Variants in FPR3 observed in about 807,000 individuals in gnomAD.
The protein encoded by FPR3 is N-formyl peptide receptor 3.
For missense variants in FPR3, 346 were observed against 443.2 expected (o/e 0.78, Z 1.97); for synonymous variants, 135 against 163.6 (o/e 0.83, Z 1.34).
intron 1 of FPR3, among the ~76,000 whole-genome samples, chr19:51,822,879 G>A (rs1243914119): frequency 6.6e-6 from 1 of 151,834 alleles, no homozygotes; most frequent in Admixed American, 6.6e-5. Context: ...TTTTTTGTGG[G>A]GGGAAATGGA....
chr19:51,824,099 C>T lies in FPR3; in HGVS notation c.351C>T (p.Thr117=). ...INLFVSVYLI[T]IIALDRCICV... is the part of the protein sequence containing the mutation. ...TGTTTGTCAGTGTCTACCTGATCAC[C>T]ATCATTGCTCTGGACCGCTGTATTT... Residue 117 remains threonine (T), a synonymous_variant, in exon 2 of 2, where the codon ACC becomes ACT. Coordinates refer to ENST00000339223, the MANE Select transcript of FPR3 (RefSeq NM_002030.5). This position sits in a 1 kb window ranked among gnomAD's most constrained non-coding sequence, Gnocchi z 4.7. 1.2e-6 allele frequency: 2 copies of T among 1,614,024 alleles called. No homozygotes were observed. Among genetic ancestry groups the T allele is most frequent in the South Asian group, 2.2e-5 (2 of 91,062 alleles).
chr19:51,798,733 A>G (rs1418301714), intron 1 of FPR3, among the ~76,000 whole-genome samples: 1 of 152,182 alleles, frequency 6.6e-6, no homozygotes, highest in African/African-American at 2.4e-5. Flanking sequence ...GCTGCCTCAC[A>G]GTGTTATTAT....
At position 51,807,218 on chromosome 19, in the gene FPR3, G is replaced by T. The variant is rs186830310; in HGVS notation, c.-11+11887G>T. Among the ~76,000 whole-genome samples, 10 of 64,578 alleles carry T rather than the reference G, an allele frequency of 1.5e-4. No individual in the cohort carries two copies. The East Asian group carries it at 1.7e-3, about 11-fold the overall frequency. The allele number at this position is 64,578 out of a possible 152,430, so 42.4% of individuals were successfully genotyped here. A position where few individuals can be genotyped will look rare whatever the true frequency, so the allele number is the denominator to read the frequency against. Reference sequence around the variant, plus strand: ...CAGGCAAAAGAGATAGCAGGAAGTGGGGGGGGTGGTTGCTGGCTAGCAGCC... The same window carrying T: ...CAGGCAAAAGAGATAGCAGGAAGTGTGGGGGGTGGTTGCTGGCTAGCAGCC... On this transcript the variant is annotated intron_variant, in intron 1 of 1. Transcript: ENST00000339223.
chr19:51,801,644 G>T (rs1160497358), intron 1 of FPR3, among the ~76,000 whole-genome samples: 1 of 152,170 alleles, frequency 6.6e-6, no homozygotes, highest in Non-Finnish European at 1.5e-5. Context: ...AACCGGGCGT[G>T]ATGCTGGGTG....
intron 1 of FPR3, among the ~76,000 whole-genome samples, chr19:51,801,925 A>T (rs974102747): frequency 6.6e-6 from 1 of 152,194 alleles, no homozygotes; most frequent in African/African-American, 2.4e-5. Flanking sequence ...TTTCCCAGTC[A>T]TACAGTCATT....
chr19:51,801,470 T>G (rs1275685331), intron 1 of FPR3, among the ~76,000 whole-genome samples: 1 of 152,198 alleles, frequency 6.6e-6, no homozygotes. Context: ...CTCTACAATA[T>G]AGGTTCTAAC....
chr19:51,812,728 A>T (rs1351073596), intron 1 of FPR3, among the ~76,000 whole-genome samples: 1 of 152,236 alleles, frequency 6.6e-6, no homozygotes, highest in African/African-American at 2.4e-5. Context: ...ACCTCCTCTA[A>T]GAAGATTCAC....
At chr19:51,802,459 A>G (rs2084031064) in intron 1 of FPR3, among the ~76,000 whole-genome samples, 1 of 152,208 alleles carries the variant, frequency 6.6e-6, no homozygotes, top group South Asian at 2.1e-4. Context: ...TGAGTGGATG[A>G]AGTTTTTAAT....
At chr19:51,821,632 G>A (rs2084190090) in intron 1 of FPR3, among the ~76,000 whole-genome samples, 1 of 152,160 alleles carries the variant, frequency 6.6e-6, no homozygotes, top group Non-Finnish European at 1.5e-5. Context: ...AAAAAACCAT[G>A]ATACTAGGGT....
At chr19:51,814,090 T>A (rs1268045365) in intron 1 of FPR3, among the ~76,000 whole-genome samples, 1 of 152,338 alleles carries the variant, frequency 6.6e-6, no homozygotes, top group East Asian at 1.9e-4. Context: ...AATTCCTTCT[T>A]GGTTTATGTG....
chr19:51,821,463 G>C (rs1246977873), intron 1 of FPR3, among the ~76,000 whole-genome samples: 1 of 152,112 alleles, frequency 6.6e-6, no homozygotes, highest in African/African-American at 2.4e-5. Context: ...ACTGTGCACA[G>C]AACAGTCCCC....
intron 1 of FPR3, among the ~76,000 whole-genome samples, chr19:51,807,989 CA>C (rs1242047782): frequency 2.0e-5 from 3 of 152,224 alleles, no homozygotes; most frequent in Non-Finnish European, 4.4e-5. Flanking sequence ...TAAACTGGCC[CA>C]AAAGTCCTGT....
chr19:51,806,835 C>A (rs919455994), intron 1 of FPR3, among the ~76,000 whole-genome samples: 7 of 152,200 alleles, frequency 4.6e-5, no homozygotes, highest in Non-Finnish European at 7.3e-5. Flanking sequence ...GTCTAGCGTA[C>A]TTTTAACTGT....
intron 1 of FPR3, among the ~76,000 whole-genome samples, chr19:51,799,275 C>T (rs2084016389): frequency 6.6e-6 from 1 of 152,126 alleles, no homozygotes; most frequent in Non-Finnish European, 1.5e-5. Context: ...CGAACTTTAA[C>T]ACTGTCGTCG....
chr19:51,824,486 G>T lies in FPR3; in HGVS notation c.738G>T (p.Val246=). Residue 246 remains valine, a synonymous_variant, in exon 2 of 2, where the codon GTG becomes GTT. Coordinates refer to ENST00000339223, the MANE Select transcript of FPR3 (RefSeq NM_002030.5). The surrounding 1 kb of genome is among the most constrained non-coding windows in gnomAD (Gnocchi z 4.7). ...SSRPLRVFAA[V]VASFFICWFP... ...GTCCCTTACGTGTCTTCGCTGCTGT[G>T]GTGGCTTCTTTCTTCATCTGTTGGT... 6.2e-7 allele frequency: 1 copy of T among 1,613,960 alleles called. No individual in the cohort carries two copies. Among genetic ancestry groups the T allele is most frequent in the Non-Finnish European group, 8.5e-7 (1 of 1,179,980 alleles).
chr19:51,795,656 G>A lies in FPR3; in HGVS notation c.-11+325G>A, dbSNP rs2083993915. Among the ~76,000 whole-genome samples, 4 of 151,574 alleles carry A rather than the reference G, an allele frequency of 2.6e-5. No homozygotes were observed. In the South Asian group the frequency reaches 6.3e-4, roughly 24 times the overall value. On this transcript the variant is annotated intron_variant, in intron 1 of 1. Transcript: ENST00000339223. ...AGCCTCCTGAGTAGCTGGGATTACA[G>A]GCACCTGCCACCACGCCTGGCTAAT...
At chr19:51,802,074 G>A (rs957090298) in intron 1 of FPR3, among the ~76,000 whole-genome samples, 2 of 151,880 alleles carry the variant, frequency 1.3e-5, no homozygotes, top group African/African-American at 2.4e-5. Context: ...AATTTATTAC[G>A]GCCCAATAGA....
rs921756128 is a variant in FPR3, at chr19:51,815,476, C to T, written c.-10-8263C>T. 6.6e-5 allele frequency among the ~76,000 whole-genome samples: 10 copies of T among 151,696 alleles called. No homozygotes were observed. In the South Asian group the frequency reaches 1.9e-3, roughly 28 times the overall value. On this transcript the variant is annotated intron_variant, in intron 1 of 1. Transcript: ENST00000339223. ...TCAGGAGACTGAGGCAGGAGAATTG[C>T]TTGAACTGCTTGAACCTGGGAGGTG...
At chr19:51,796,278 G>C (rs80012857) in intron 1 of FPR3, among the ~76,000 whole-genome samples, 3,574 of 152,320 alleles carry the variant, frequency 0.023, 89 homozygotes, top group East Asian at 0.067. Context: ...CAAGGAATTA[G>C]AGCCCAGTGG....
Sources: gnomAD v4.1 joint callset for allele counts (sites outside exome capture counted in the v4.1 genomes callset) on GRCh38, gnomAD v4.1.1 for gene constraint, Gnocchi (gnomAD v3.1) non-coding constraint, MANE v1.5 for transcripts, NCBI Gene and HGNC (gene_info 2026-07-23, HGNC 2026-07-21) for gene names.